ARHGEF4: variants seen among roughly 807,000 people sequenced by gnomAD.
ARHGEF4 encodes the protein Rho guanine nucleotide exchange factor 4, also known as APC-stimulated guanine nucleotide exchange factor 1.
ARHGEF4 carries 119 observed loss-of-function variants against 162.0 expected under a neutral mutation model. That is an observed-to-expected ratio of 0.73 (90% CI 0.63 to 0.86). The LOEUF (loss-of-function observed/expected upper bound fraction) is 0.86, where lower values mean the gene tolerates loss of function less well. ARHGEF4 is among the 40% of genes least tolerant of loss of function. ARHGEF4 has a pLI of 0.00. For missense variants in ARHGEF4, 2,488 were observed against 2,456.0 expected (o/e 1.01, Z -0.28); for synonymous variants, 1,014 against 979.9 (o/e 1.03, Z -0.65).
Position 130,975,985 on chromosome 2 carries a change from TA to T in ARHGEF4, c.3985+29352del, listed in dbSNP as rs1482733832. Reference sequence around the variant, plus strand: ...AAGATGGGGGCTCCCGGAGGCTAAATAACTGTCCCATGGGGGTCCGTCACAG... The same window carrying T: ...AAGATGGGGGCTCCCGGAGGCTAAATACTGTCCCATGGGGGTCCGTCACAG... On this transcript the variant is annotated intron_variant, in intron 4 of 13. Transcript: ENST00000409359. 7.9e-5 allele frequency among the ~76,000 whole-genome samples: 12 copies of T among 152,266 alleles called. No individual in the cohort carries two copies. In the South Asian group the frequency reaches 2.5e-3, roughly 32 times the overall value.
At chr2:130,869,656 G>C (rs1474305215) in intron 1 of ARHGEF4, among the ~76,000 whole-genome samples, 2 of 152,232 alleles carry the variant, frequency 1.3e-5, no homozygotes, top group Non-Finnish European at 2.9e-5. Context: ...AGAGAAGAGA[G>C]GGTATGAAAG....
At chr2:131,016,966 C>A (rs1259115572) in intron 4 of ARHGEF4, among the ~76,000 whole-genome samples, 1 of 152,186 alleles carries the variant, frequency 6.6e-6, no homozygotes, top group Non-Finnish European at 1.5e-5. Flanking sequence ...GCAAAGGCAC[C>A]CTCACTGAGC....
At chr2:130,975,360 T>C (rs1685636411) in intron 4 of ARHGEF4, among the ~76,000 whole-genome samples, 1 of 152,130 alleles carries the variant, frequency 6.6e-6, no homozygotes, top group Non-Finnish European at 1.5e-5. Context: ...CCTGAGAGCA[T>C]GCTCTTCAGA....
intron 1 of ARHGEF4, among the ~76,000 whole-genome samples, chr2:130,900,822 A>G (rs552630901): frequency 2.0e-5 from 3 of 152,318 alleles, no homozygotes; most frequent in Admixed American, 1.3e-4. Flanking sequence ...CTTCTATTGT[A>G]GCAAGCATTT....
chr2:130,958,026 A>G (rs1319419675), intron 4 of ARHGEF4, among the ~76,000 whole-genome samples: 3 of 150,330 alleles, frequency 2.0e-5, no homozygotes, highest in Non-Finnish European at 2.9e-5. Context: ...AAAAAAAAAA[A>G]AGAAAGAAGC....
At chr2:130,866,874 C>T (rs568193665) in intron 1 of ARHGEF4, among the ~76,000 whole-genome samples, 7 of 152,194 alleles carry the variant, frequency 4.6e-5, no homozygotes, top group Admixed American at 2.0e-4. Flanking sequence ...GTAATGCTGG[C>T]CTCCTGGGAT....
At chr2:130,866,848 A>AT (rs1283384738) in intron 1 of ARHGEF4, among the ~76,000 whole-genome samples, 7 of 151,988 alleles carry the variant, frequency 4.6e-5, no homozygotes, top group African/African-American at 1.5e-4. Context: ...TTCTTGTAAT[A>AT]TCCTTTTTTG....
At chr2:131,044,254 C>A in intron 11 of ARHGEF4, 45 bp from the exon 12 acceptor site, 1 of 1,602,478 alleles carries the variant, frequency 6.2e-7, no homozygotes, top group Admixed American at 1.7e-5. Context: ...AGGAAATGGT[C>A]AGGGGAGCGG....
At chr2:131,012,173 G>T (rs976465025) in intron 4 of ARHGEF4, among the ~76,000 whole-genome samples, 13 of 152,202 alleles carry the variant, frequency 8.5e-5, no homozygotes, top group African/African-American at 2.9e-4. Flanking sequence ...GCAGCAAGGG[G>T]GTCCTCCTCG....
Position 130,988,870 on chromosome 2 carries a change from GTGTATATATATA to G in ARHGEF4, c.3986-39073_3986-39062del, listed in dbSNP as rs1372602946. ...TATTTGTGTGTGTGTGTGTGTGTGTGTGTATATATATATATATATATATATATATATAGAGAG... is the reference window on the plus strand; with the variant it reads ...TATTTGTGTGTGTGTGTGTGTGTGTGTATATATATATATATATATAGAGAG... On this transcript the variant is annotated intron_variant, in intron 4 of 13. Coordinates refer to ENST00000409359, the MANE Select transcript of ARHGEF4 (RefSeq NM_001367493.1). Among the ~76,000 whole-genome samples the G allele has an allele frequency of 3.4e-3, 99 of 29,240 alleles. 1 individual carries two copies. Among genetic ancestry groups the G allele is most frequent in the Middle Eastern group, 0.033 (1 of 30 alleles). The allele number at this position is 29,240 out of a possible 152,430, so 19.2% of individuals were successfully genotyped here. A position where few individuals can be genotyped will look rare whatever the true frequency, so the allele number is the denominator to read the frequency against.
At chr2:130,893,780 A>C (rs1229906683) in intron 1 of ARHGEF4, among the ~76,000 whole-genome samples, 1 of 152,204 alleles carries the variant, frequency 6.6e-6, no homozygotes, top group Non-Finnish European at 1.5e-5. Context: ...CAGCCCAGCC[A>C]GAAGGGGCCT....
chr2:130,991,726 C>T (rs1242893258), intron 4 of ARHGEF4, among the ~76,000 whole-genome samples: 1 of 152,216 alleles, frequency 6.6e-6, no homozygotes, highest in Non-Finnish European at 1.5e-5. Context: ...TGAGCCTTCC[C>T]CCGCCTCCAT....
In ARHGEF4 at chr2:131,008,089, A is replaced by G. The variant is rs567538734; in HGVS notation, c.3986-19856A>G. On this transcript the variant is annotated intron_variant, in intron 4 of 13. Transcript: ENST00000409359. ...CAGGCTCCCAAAGTGTCAAGATTACACGCATGAGCCACCACACCTGGCCCC... is the reference window on the plus strand; with the variant it reads ...CAGGCTCCCAAAGTGTCAAGATTACGCGCATGAGCCACCACACCTGGCCCC... 2.6e-5 allele frequency among the ~76,000 whole-genome samples: 4 copies of G among 152,292 alleles called. No individual in the cohort carries two copies. The East Asian group carries it at 7.7e-4, about 29-fold the overall frequency.
chr2:130,864,020 T>G (rs1240269598), intron 1 of ARHGEF4, among the ~76,000 whole-genome samples: 1 of 142,380 alleles, frequency 7.0e-6, no homozygotes. Context: ...CCGTCTCTAC[T>G]AAAAATACAA....
intron 5 of ARHGEF4, among the ~76,000 whole-genome samples, chr2:131,037,081 C>A (rs1159326760): frequency 6.6e-6 from 1 of 152,146 alleles, no homozygotes; most frequent in African/African-American, 2.4e-5. Context: ...AGCCTGCTGC[C>A]CCCAGGAATA....
intron 4 of ARHGEF4, among the ~76,000 whole-genome samples, chr2:130,974,124 T>C (rs941442305): frequency 2.2e-4 from 33 of 150,292 alleles, no homozygotes; most frequent in Non-Finnish European, 3.0e-4. Context: ...AAAAAAAAAT[T>C]AGCCAGGCAT....
At chr2:130,940,574 C>T (rs1683226964) in intron 3 of ARHGEF4, among the ~76,000 whole-genome samples, 1 of 151,476 alleles carries the variant, frequency 6.6e-6, no homozygotes, top group Admixed American at 6.6e-5. Context: ...GGCGCGGTGG[C>T]TCACGCTTGT....
At chr2:130,924,717 T>C (rs1195064782) in intron 2 of ARHGEF4, among the ~76,000 whole-genome samples, 1 of 152,110 alleles carries the variant, frequency 6.6e-6, no homozygotes, top group Admixed American at 6.5e-5. Flanking sequence ...TGGAGGGGCT[T>C]AGGAAGGACA....
At chr2:130,895,098 C>T (rs938240234) in intron 1 of ARHGEF4, among the ~76,000 whole-genome samples, 1 of 152,176 alleles carries the variant, frequency 6.6e-6, no homozygotes, top group African/African-American at 2.4e-5. Context: ...TGGTCAGTCT[C>T]CCTCCCTGCC....
Sources: gnomAD v4.1 joint callset for allele counts (sites outside exome capture counted in the v4.1 genomes callset) on GRCh38, gnomAD v4.1.1 for gene constraint, MANE v1.5 for transcripts, NCBI Gene and HGNC (gene_info 2026-07-23, HGNC 2026-07-21) for gene names.